Variants in TRPS1 observed in about 807,000 individuals in gnomAD.
TRPS1 encodes the protein transcriptional repressor GATA binding 1.
A neutral mutation model predicts 101.2 loss-of-function variants in TRPS1; 6 were observed. The observed-to-expected ratio is 0.06, with a 90% CI of 0.03 to 0.12. The LOEUF (loss-of-function observed/expected upper bound fraction) is 0.12, where lower values mean the gene tolerates loss of function less well. TRPS1 is among the 10% of genes least tolerant of loss of function. TRPS1 has a pLI of 1.00. For missense variants in TRPS1, 1,363 were observed against 1,567.0 expected (o/e 0.87, Z 2.20); for synonymous variants, 578 against 589.8 (o/e 0.98, Z 0.29).
chr8:115,587,650 GTTGT>G, intron 4 of TRPS1, 46 bp from the exon 5 acceptor site: 1 of 1,612,360 alleles, frequency 6.2e-7, no homozygotes, highest in Non-Finnish European at 8.5e-7. Context: ...GTTCTGAAGG[GTTGT>G]TTTATTTTTA....
At chr8:115,610,744 T>C (rs532670203) in intron 3 of TRPS1, among the ~76,000 whole-genome samples, 2 of 152,306 alleles carry the variant, frequency 1.3e-5, no homozygotes, top group Non-Finnish European at 2.9e-5. Context: ...GGTTTTCTCA[T>C]TTTACTCAGT....
At position 115,412,647 on chromosome 8, in the gene TRPS1, A is replaced by G. The variant is rs999976675; in HGVS notation, c.*1376T>C. The G allele has an allele frequency of 6.6e-6, 1 of 152,542 alleles. No individual in the cohort carries two copies. Among genetic ancestry groups the G allele is most frequent in the Non-Finnish European group, 1.5e-5 (1 of 68,000 alleles). 9.4% of individuals were successfully genotyped at this position (152,542 alleles called of 1,614,324 possible). A position where few individuals can be genotyped will look rare whatever the true frequency, so the allele number is the denominator to read the frequency against. ...ATCTTCTACATCTCCGTGGCAAAAA[A>G]TAAACTACTGGTTGGGACAATATAA... On this transcript the variant is annotated 3_prime_UTR_variant, in exon 7 of 7. Transcript: ENST00000395715.
chr8:115,556,048 A>G (rs774286475), intron 5 of TRPS1, among the ~76,000 whole-genome samples: 1 of 152,018 alleles, frequency 6.6e-6, no homozygotes, highest in Non-Finnish European at 1.5e-5. Flanking sequence ...ATAAAGTAAA[A>G]AGAACTTTCA....
chr8:115,562,589 G>A (rs972188809), intron 5 of TRPS1, among the ~76,000 whole-genome samples: 10 of 150,958 alleles, frequency 6.6e-5, no homozygotes, highest in African/African-American at 2.4e-4. Context: ...TTAGTAACAT[G>A]ATTTGTTTTA....
chr8:115,622,843 T>C (rs149586414), intron 2 of TRPS1, among the ~76,000 whole-genome samples: 111 of 152,264 alleles, frequency 7.3e-4, no homozygotes, highest in African/African-American at 2.6e-3. Context: ...TTTATGCCCA[T>C]ATGTTAACGC....
intron 5 of TRPS1, among the ~76,000 whole-genome samples, chr8:115,537,694 T>C (rs1320273123): frequency 1.3e-5 from 2 of 152,192 alleles, no homozygotes; most frequent in African/African-American, 2.4e-5. Flanking sequence ...GATACTAAAA[T>C]ATAATCCAGG....
At chr8:115,567,264 C>T (rs771754700) in intron 5 of TRPS1, among the ~76,000 whole-genome samples, 4 of 152,128 alleles carry the variant, frequency 2.6e-5, no homozygotes, top group Non-Finnish European at 4.4e-5. Context: ...AAACTCAGTA[C>T]ATCAATTCCT....
chr8:115,414,759 A>C lies in TRPS1; in HGVS notation c.3149T>G (p.Ile1050Ser). 6.2e-7 allele frequency: 1 copy of C among 1,614,036 alleles called. No homozygotes were observed. Among genetic ancestry groups the C allele is most frequent in the Non-Finnish European group, 8.5e-7 (1 of 1,179,944 alleles). ...ACTTTCCTGAGGACTTTTTATCTGA[A>C]TGTGCAAAGGTTGCATCCTTTTGTG... ...DIHKRMQPLH[I>S]QIKSPQESTG... Residue 1050 changes from isoleucine to serine, a missense_variant, in exon 7 of 7, where the codon ATT (isoleucine) becomes AGT (serine). Physicochemically the swap from Ile to Ser is moderately radical, Grantham distance 142. This residue lies in a region of TRPS1 where 307 missense variants were observed against 392.4 expected (regional missense o/e 0.78). Transcript: ENST00000395715. This position sits in a 1 kb window ranked among gnomAD's most constrained non-coding sequence, Gnocchi z 4.8.
Position 115,620,180 on chromosome 8 carries a change from AGG to A in TRPS1, c.38-122_38-121del, listed in dbSNP as rs1424660298. 2.9e-4 allele frequency: 253 copies of A among 881,842 alleles called. 1 individual carries two copies. In the African/African-American group the frequency reaches 4.4e-3, roughly 15 times the overall value. 54.6% of individuals were successfully genotyped at this position (881,842 alleles called of 1,614,324 possible). On this transcript the variant is annotated intron_variant, in intron 2 of 6. Coordinates refer to ENST00000395715, the MANE Select transcript of TRPS1 (RefSeq NM_014112.5). ...AGGTGCATAATCAAATGCTTCCTCTAGGAAAAAAAAAAAAACCCATTCTAAAA... is the reference window on the plus strand; with the variant it reads ...AGGTGCATAATCAAATGCTTCCTCTAAAAAAAAAAAAAACCCATTCTAAAA...
intron 1 of TRPS1, among the ~76,000 whole-genome samples, chr8:115,644,233 T>C (rs1336194102): frequency 2.0e-5 from 3 of 152,200 alleles, no homozygotes; most frequent in Admixed American, 1.3e-4. Flanking sequence ...CCTTTGAATG[T>C]GCTCCTTTGT....
At chr8:115,643,388 G>A (rs892489755) in intron 1 of TRPS1, among the ~76,000 whole-genome samples, 10 of 152,174 alleles carry the variant, frequency 6.6e-5, no homozygotes, top group Admixed American at 2.0e-4. Context: ...TATCAACTAA[G>A]TTGATGGAAT....
chr8:115,624,704 T>C (rs1009169670), intron 1 of TRPS1, among the ~76,000 whole-genome samples: 59 of 151,936 alleles, frequency 3.9e-4, no homozygotes, highest in African/African-American at 1.3e-3. Context: ...GAGTGCACTA[T>C]TTCTGTTACC....
chr8:115,659,441 T>C (rs1419946591), intron 1 of TRPS1, among the ~76,000 whole-genome samples: 1 of 151,720 alleles, frequency 6.6e-6, no homozygotes, highest in Non-Finnish European at 1.5e-5. Context: ...CAAACACAGG[T>C]AAAACATATC....
chr8:115,454,962 T>C (rs1353012767), intron 5 of TRPS1, among the ~76,000 whole-genome samples: 2 of 152,246 alleles, frequency 1.3e-5, no homozygotes, highest in Non-Finnish European at 2.9e-5. Flanking sequence ...TTTGTTTTTC[T>C]TTTTATAAAC....
intron 5 of TRPS1, among the ~76,000 whole-genome samples, chr8:115,560,096 T>C (rs1251020449): frequency 6.7e-6 from 1 of 150,230 alleles, no homozygotes; most frequent in Non-Finnish European, 1.5e-5. Flanking sequence ...ATCTGATTAA[T>C]CTGTTTGTTT....
chr8:115,476,816 G>A (rs1157769444), intron 5 of TRPS1, among the ~76,000 whole-genome samples: 1 of 152,126 alleles, frequency 6.6e-6, no homozygotes, highest in African/African-American at 2.4e-5. Flanking sequence ...AGCCACAACT[G>A]ATACAACCAT....
At chr8:115,448,854 C>T (rs1236005450) in intron 5 of TRPS1, among the ~76,000 whole-genome samples, 1 of 152,164 alleles carries the variant, frequency 6.6e-6, no homozygotes, top group Non-Finnish European at 1.5e-5. Flanking sequence ...TCTCCTGAAA[C>T]TCCTTCTTAG....
At chr8:115,438,165 C>T (rs1813503453) in intron 5 of TRPS1, among the ~76,000 whole-genome samples, 3 of 152,188 alleles carry the variant, frequency 2.0e-5, no homozygotes, top group Admixed American at 2.0e-4. Context: ...CACAGGACTG[C>T]ATAAGCATCA....
chr8:115,541,620 C>A (rs1045819590), intron 5 of TRPS1, among the ~76,000 whole-genome samples: 1 of 152,142 alleles, frequency 6.6e-6, no homozygotes, highest in Non-Finnish European at 1.5e-5. Context: ...AGTTACATAG[C>A]CTGCCTTATA....
Sources: allele counts gnomAD v4.1 joint callset (sites outside exome capture counted in the v4.1 genomes callset), GRCh38; gene constraint gnomAD v4.1.1; regional missense constraint gnomAD v4.1.1; non-coding constraint Gnocchi (gnomAD v3.1); transcripts MANE v1.5; gene names NCBI Gene and HGNC (gene_info 2026-07-23, HGNC 2026-07-21).